ABCB11: variants seen among roughly 807,000 people sequenced by gnomAD.
ABCB11 encodes the protein bile salt export pump.
A neutral mutation model predicts 148.0 loss-of-function variants in ABCB11; 95 were observed. The observed-to-expected ratio is 0.64, with a 90% CI of 0.54 to 0.76. ABCB11 has a LOEUF of 0.76. Ranked by LOEUF, ABCB11 falls within the 30% of genes least tolerant of loss-of-function variation. The probability of loss-of-function intolerance (pLI) is 0.00; values close to 1 mark genes in which losing one functional copy is unlikely to be tolerated. For synonymous variants in ABCB11, 591 were observed against 555.4 expected, an observed-to-expected ratio of 1.06 and a Z score of -0.90; for missense variants, 1,523 against 1,617.8, an observed-to-expected ratio of 0.94 and a Z score of 1.01.
chr2:168,926,876 C>T (rs1300900374), intron 26 of ABCB11, among the ~76,000 whole-genome samples: 1 of 152,124 alleles, frequency 6.6e-6, no homozygotes, highest in African/African-American at 2.4e-5. Flanking sequence ...TGTTTCTTAT[C>T]TACTTTATAC....
chr2:168,988,908 T>G (rs1694420903), intron 9 of ABCB11, among the ~76,000 whole-genome samples: 1 of 152,182 alleles, frequency 6.6e-6, no homozygotes, highest in African/African-American at 2.4e-5. Flanking sequence ...TGTTTCTTTT[T>G]GTACGTTTCT....
In ABCB11 at chr2:168,973,696, G is replaced by A; in HGVS notation, c.1434+19C>T. Reference sequence around the variant, plus strand: ...CTTTACTGTCCCCATGTATTGAGGAGTTTCTGGAAGACACCCACCATTCCT... The same window carrying A: ...CTTTACTGTCCCCATGTATTGAGGAATTTCTGGAAGACACCCACCATTCCT... On this transcript the variant is annotated intron_variant, in intron 13 of 27. Coordinates refer to ENST00000650372, the MANE Select transcript of ABCB11 (RefSeq NM_003742.4). The A allele has an allele frequency of 6.2e-7, 1 of 1,610,644 alleles. No homozygotes were observed. Among genetic ancestry groups the A allele is most frequent in the African/African-American group, 1.3e-5 (1 of 74,856 alleles).
chr2:169,027,178 G>A (rs1394586699), intron 1 of ABCB11, among the ~76,000 whole-genome samples: 1 of 152,002 alleles, frequency 6.6e-6, no homozygotes, highest in African/African-American at 2.4e-5. Context: ...ATCTCTTCAG[G>A]AACAGACTGA....
chr2:169,003,375 A>C (rs7566645), intron 5 of ABCB11, among the ~76,000 whole-genome samples: 10,890 of 138,682 alleles, frequency 0.079, 977 homozygotes, highest in African/African-American at 0.22. Context: ...CACACACACA[A>C]AAACATATTA....
At chr2:169,026,586 CAA>C (rs759365871) in intron 1 of ABCB11, among the ~76,000 whole-genome samples, 13 of 152,266 alleles carry the variant, frequency 8.5e-5, no homozygotes, top group African/African-American at 3.1e-4. Flanking sequence ...ATATTTGCCA[CAA>C]AAGAGGTTTT....
At position 168,958,240 on chromosome 2, in the gene ABCB11, C is replaced by T. The variant is rs1692890082; in HGVS notation, c.2179-112G>A. ...TCATAGTTTGATTAGTTATGAGTGA[C>T]CTCAAATGTCTATGGGATATGGTTG... On this transcript the variant is annotated intron_variant, in intron 18 of 27. Coordinates refer to ENST00000650372, the MANE Select transcript of ABCB11 (RefSeq NM_003742.4). The T allele has an allele frequency of 7.2e-6, 7 of 971,114 alleles. 1 individual carries two copies. The highest frequency in any genetic ancestry group is 1.9e-5 in the Admixed American group (1 of 51,616). 60.2% of individuals were successfully genotyped at this position (971,114 alleles called of 1,614,324 possible). A position where few individuals can be genotyped will look rare whatever the true frequency, so the allele number is the denominator to read the frequency against.
chr2:168,977,846 G>A (rs1574460115), intron 11 of ABCB11, among the ~76,000 whole-genome samples: 1 of 152,058 alleles, frequency 6.6e-6, no homozygotes, highest in African/African-American at 2.4e-5. Context: ...AACAGCATGG[G>A]GGAAAATGCT....
intron 18 of ABCB11, among the ~76,000 whole-genome samples, chr2:168,960,897 C>G (rs1448527735): frequency 1.3e-5 from 2 of 151,634 alleles, no homozygotes; most frequent in East Asian, 3.9e-4. Context: ...ATCTCACAGA[C>G]AGGTAAAATT....
At chr2:168,993,932 A>G in intron 7 of ABCB11, 50 bp from the exon 8 acceptor site, 1 of 1,446,342 alleles carries the variant, frequency 6.9e-7, no homozygotes, top group Non-Finnish European at 9.5e-7. Flanking sequence ...GATCATTCAA[A>G]TATCTTGCTG....
chr2:169,026,225 G>A (rs1375519003), intron 1 of ABCB11, among the ~76,000 whole-genome samples: 1 of 152,168 alleles, frequency 6.6e-6, no homozygotes, highest in Admixed American at 6.5e-5. Flanking sequence ...AAATGGAACA[G>A]GGTGTTCTTT....
chr2:168,944,456 G>T, intron 21 of ABCB11, 149 bp downstream of exon 21: 1 of 828,122 alleles, frequency 1.2e-6, no homozygotes, highest in Non-Finnish European at 1.8e-6. Context: ...CTGTTTGTCA[G>T]TGTTAGAAGC....
At chr2:169,015,953 T>C (rs1168289234) in intron 3 of ABCB11, among the ~76,000 whole-genome samples, 1 of 152,180 alleles carries the variant, frequency 6.6e-6, no homozygotes, top group Non-Finnish European at 1.5e-5. Context: ...CAGCTCAACA[T>C]GCAATGCACA....
At chr2:169,003,943 G>A (rs1470865749) in intron 5 of ABCB11, among the ~76,000 whole-genome samples, 2 of 152,170 alleles carry the variant, frequency 1.3e-5, no homozygotes, top group East Asian at 3.9e-4. Context: ...ATTCTTGGCT[G>A]ATAATTGTTT....
chr2:169,011,839 A>C (rs932403959), intron 5 of ABCB11, among the ~76,000 whole-genome samples: 1 of 152,062 alleles, frequency 6.6e-6, no homozygotes, highest in Admixed American at 6.6e-5. Flanking sequence ...TTTTTAAAAA[A>C]ATTTTTGTAG....
At chr2:168,966,033 G>A (rs551310636) in intron 17 of ABCB11, among the ~76,000 whole-genome samples, 5 of 151,844 alleles carry the variant, frequency 3.3e-5, no homozygotes, top group South Asian at 2.1e-4. Flanking sequence ...ACTCCTCAAC[G>A]CTACTCCCTG....
rs1470131264 is a variant in ABCB11 at position 168,969,419 on chromosome 2, CT to C, written c.1941del (p.Gly648ValfsTer6). ...RGTHEELLER[K>X]GVYFTLVTLQ... The stretch of plus-strand genomic sequence containing the variant: ...AAAGTCACTAGAGTGAAGTAAACAC[CT>C]TTCCTTTCCAGTAATTCTTCATGGG... On this transcript the variant is annotated frameshift_variant, in exon 16 of 28. Transcript: ENST00000650372. LOFTEE classifies it high-confidence loss of function. 5.0e-6 allele frequency: 8 copies of C among 1,612,594 alleles called. No homozygotes were observed. The highest frequency in any genetic ancestry group is 6.8e-6 in the Non-Finnish European group (8 of 1,179,272).
downstream of ABCB11, among the ~76,000 whole-genome samples, chr2:168,918,260 C>A (rs778440575): frequency 2.6e-5 from 4 of 152,094 alleles, no homozygotes; most frequent in East Asian, 7.7e-4. Context: ...TGCCAAGTAC[C>A]GAGTAAAGCA....
chr2:169,014,469 T>A (rs1441603079), intron 3 of ABCB11, 115 bp from the exon 4 acceptor site: 7 of 956,612 alleles, frequency 7.3e-6, no homozygotes, highest in South Asian at 6.1e-5. Flanking sequence ...CCCCACTGGC[T>A]GGAAAATTCT....
In ABCB11 at chr2:168,922,181, A is replaced by C. The variant is rs1195884155; in HGVS notation, c.*1441T>G. The stretch of plus-strand genomic sequence containing the variant: ...TTTTCTAAGATTGGCCAATTTCCCC[A>C]GAAAATCATTCTTCAATCTCCTGCC... On this transcript the variant is annotated 3_prime_UTR_variant, in exon 28 of 28. Transcript: ENST00000650372. Among the ~76,000 whole-genome samples, 1 of 152,126 alleles carries C rather than the reference A, an allele frequency of 6.6e-6. No homozygotes were observed. Among genetic ancestry groups the C allele is most frequent in the African/African-American group, 2.4e-5 (1 of 41,442 alleles).
Sources: gnomAD v4.1 joint callset for allele counts (sites outside exome capture counted in the v4.1 genomes callset) on GRCh38, gnomAD v4.1.1 for gene constraint, MANE v1.5 for transcripts, NCBI Gene and HGNC (gene_info 2026-07-23, HGNC 2026-07-21) for gene names.